The following WNT3 variants were observed in gnomAD, a reference collection of about 807,000 sequenced individuals.
WNT3 encodes proto-oncogene Wnt-3.
WNT3 carries 7 observed loss-of-function variants against 34.2 expected under a neutral mutation model. The ratio of observed to expected loss-of-function variants is 0.20; its 90% CI spans 0.12 to 0.38. The LOEUF (loss-of-function observed/expected upper bound fraction) is 0.38, where lower values mean the gene tolerates loss of function less well. WNT3 is among the 10% of genes least tolerant of loss of function. The pLI is 1.00. For missense variants in WNT3, 267 were observed against 499.8 expected (o/e 0.53, Z 4.44); for synonymous variants, 212 against 211.5 (o/e 1.00, Z -0.02).
intron 1 of WNT3, among the ~76,000 whole-genome samples, chr17:46,784,310 G>T (rs1317771819): frequency 6.6e-6 from 1 of 152,182 alleles, no homozygotes; most frequent in South Asian, 2.1e-4. Context: ...GGAACAAGAC[G>T]AGGAAGTGCG....
chr17:46,771,345 C>T (rs1447475274), intron 2 of WNT3, among the ~76,000 whole-genome samples: 2 of 151,860 alleles, frequency 1.3e-5, no homozygotes, highest in African/African-American at 4.8e-5. Flanking sequence ...CAATCCTAGA[C>T]GCCCCAGCCC....
At chr17:46,818,042 G>C (rs761407016) in intron 1 of WNT3, among the ~76,000 whole-genome samples, 1 of 152,090 alleles carries the variant, frequency 6.6e-6, no homozygotes, top group Non-Finnish European at 1.5e-5. Flanking sequence ...GAAGGCAAAG[G>C]GGGGTTATTA....
chr17:46,766,136 C>T (rs530765705), intron 4 of WNT3, among the ~76,000 whole-genome samples: 35 of 152,304 alleles, frequency 2.3e-4, no homozygotes, highest in African/African-American at 7.5e-4. Flanking sequence ...TGGCCGGGCG[C>T]GGTGGCTCAC....
chr17:46,764,353 T>A lies in WNT3; in HGVS notation c.*277A>T, dbSNP rs1489338822. 6.6e-6 allele frequency: 1 copy of A among 152,620 alleles called. No homozygotes were observed. The highest frequency in any genetic ancestry group is 2.4e-5 in the African/African-American group (1 of 41,442). The allele number at this position is 152,620 out of a possible 1,614,324, so 9.5% of individuals were successfully genotyped here. ...AACATGTGCAAAGATAAGCCTCAGG[T>A]CTGTTCCTATCAGACCCTAGAGAAC... On this transcript the variant is annotated 3_prime_UTR_variant, in exon 5 of 5. Coordinates refer to ENST00000225512, the MANE Select transcript of WNT3 (RefSeq NM_030753.5).
chr17:46,768,206 G>A lies in WNT3; in HGVS notation c.*8+106C>T, dbSNP rs2059331611. 1.1e-5 allele frequency: 16 copies of A among 1,517,548 alleles called. No homozygotes were observed. The highest frequency in any genetic ancestry group is 1.9e-5 in the Admixed American group (1 of 53,162). The allele number at this position is 1,517,548 out of a possible 1,614,324, so 94.0% of individuals were successfully genotyped here. A position where few individuals can be genotyped will look rare whatever the true frequency, so the allele number is the denominator to read the frequency against. ...TTGGCTGTGGGAACTTGTGTGTCTT[G>A]GATAGCTTAGAAACAGAAGGGGGTC... On this transcript the variant is annotated intron_variant, in intron 4 of 4. Coordinates refer to ENST00000225512, the MANE Select transcript of WNT3 (RefSeq NM_030753.5). The surrounding 1 kb of genome is among the most constrained non-coding windows in gnomAD (Gnocchi z 5.0).
chr17:46,772,189 G>A (rs1414557673), intron 2 of WNT3, among the ~76,000 whole-genome samples: 2 of 152,296 alleles, frequency 1.3e-5, no homozygotes, highest in East Asian at 1.9e-4. Context: ...ATGCGCTCGC[G>A]GCGTCTTCCG....
intron 1 of WNT3, among the ~76,000 whole-genome samples, chr17:46,812,637 A>G (rs1481189520): frequency 6.6e-6 from 1 of 152,142 alleles, no homozygotes; most frequent in African/African-American, 2.4e-5. Context: ...GAGCAGGTAA[A>G]GAGCTGAAGT....
At chr17:46,777,807 G>A (rs979809297) in intron 1 of WNT3, among the ~76,000 whole-genome samples, 3 of 152,224 alleles carry the variant, frequency 2.0e-5, no homozygotes, top group Non-Finnish European at 2.9e-5. Context: ...CAAGCCCTGA[G>A]TTTGTCTGAC....
chr17:46,779,119 C>T (rs199516), intron 1 of WNT3, among the ~76,000 whole-genome samples: 122,368 of 144,796 alleles, frequency 0.85, 51,523 homozygotes, highest in East Asian at 0.99. Context: ...GCCCACTCGG[C>T]CTTCCAAAGG....
At chr17:46,818,441 AC>A in intron 1 of WNT3, 76 bp downstream of exon 1, 1 of 1,453,652 alleles carries the variant, frequency 6.9e-7, no homozygotes, top group Non-Finnish European at 9.4e-7. Context: ...GCAGCGGCCC[AC>A]CCCCAGCCGG....
At position 46,778,955 on chromosome 17, in the gene WNT3, T is replaced by C. The variant is rs188008572; in HGVS notation, c.81-5046A>G. ...ACCTTCTTATCCCAAAGTGCTGAAC[T>C]GATTTGTTTCCAATTCCATCTGGCT... is the stretch of plus-strand genomic sequence containing the variant. On this transcript the variant is annotated intron_variant, in intron 1 of 4. Transcript: ENST00000225512. 5.5e-4 allele frequency among the ~76,000 whole-genome samples: 83 copies of C among 152,240 alleles called. No homozygotes were observed. The East Asian group carries it at 0.012, about 22-fold the overall frequency.
At chr17:46,794,421 G>A (rs1036138631) in intron 1 of WNT3, among the ~76,000 whole-genome samples, 1 of 152,168 alleles carries the variant, frequency 6.6e-6, no homozygotes, top group African/African-American at 2.4e-5. Context: ...AGAGCTAGAA[G>A]GAGCCTTGGG....
chr17:46,787,605 C>A (rs1169832872), intron 1 of WNT3, among the ~76,000 whole-genome samples: 1 of 152,206 alleles, frequency 6.6e-6, no homozygotes, highest in East Asian at 1.9e-4. Context: ...CAGACCTGAT[C>A]ATCTGAAGGC....
Position 46,762,543 on chromosome 17 carries a change from G to GA in WNT3, c.*2086dup, listed in dbSNP as rs35265383. On this transcript the variant is annotated 3_prime_UTR_variant, in exon 5 of 5. Transcript: ENST00000225512. ...TTACCTTCTCTTTAATGACTTAACAGAAAAAAACTGCATGATGAAATATAT... is the reference window on the plus strand; with the variant it reads ...TTACCTTCTCTTTAATGACTTAACAGAAAAAAAACTGCATGATGAAATATAT... 6.7e-6 allele frequency: 1 copy of GA among 150,168 alleles called. No individual in the cohort carries two copies. The highest frequency in any genetic ancestry group is 2.4e-5 in the African/African-American group (1 of 40,840). 9.3% of individuals were successfully genotyped at this position (150,168 alleles called of 1,614,324 possible). A position where few individuals can be genotyped will look rare whatever the true frequency, so the allele number is the denominator to read the frequency against.
At chr17:46,789,185 C>T (rs2083946846) in intron 1 of WNT3, among the ~76,000 whole-genome samples, 2 of 152,198 alleles carry the variant, frequency 1.3e-5, no homozygotes, top group African/African-American at 4.8e-5. Context: ...GCCCATTCTC[C>T]TCTTTATGGG....
At position 46,763,112 on chromosome 17, in the gene WNT3, C is replaced by T. The variant is rs1056921714; in HGVS notation, c.*1518G>A. Reference sequence around the variant, plus strand: ...GACCATCTTGGCAAGCCCACCTGCACCAGCTGGGAGATCGCTGCCCTGGTA... The same window carrying T: ...GACCATCTTGGCAAGCCCACCTGCATCAGCTGGGAGATCGCTGCCCTGGTA... On this transcript the variant is annotated 3_prime_UTR_variant, in exon 5 of 5. Transcript: ENST00000225512. The T allele has an allele frequency of 6.6e-6, 1 of 152,120 alleles. No individual in the cohort carries two copies. The highest frequency in any genetic ancestry group is 2.4e-5 in the African/African-American group (1 of 41,416). 9.4% of individuals were successfully genotyped at this position (152,120 alleles called of 1,614,324 possible). A position where few individuals can be genotyped will look rare whatever the true frequency, so the allele number is the denominator to read the frequency against.
chr17:46,809,581 C>T (rs954933957), intron 1 of WNT3, among the ~76,000 whole-genome samples: 2 of 152,214 alleles, frequency 1.3e-5, no homozygotes, highest in African/African-American at 4.8e-5. Context: ...CATTAGGATT[C>T]CCTGATGACT....
intron 1 of WNT3, among the ~76,000 whole-genome samples, chr17:46,803,980 G>A (rs1220029903): frequency 6.6e-6 from 1 of 152,122 alleles, no homozygotes; most frequent in Admixed American, 6.5e-5. Flanking sequence ...TTTCCCTTAT[G>A]TCCTGGCTGT....
chr17:46,771,825 G>A (rs2059374977), intron 2 of WNT3, among the ~76,000 whole-genome samples: 1 of 144,336 alleles, frequency 6.9e-6, no homozygotes, highest in African/African-American at 2.5e-5. Flanking sequence ...CGGCGGCCGC[G>A]CGGTGGGGGG....
Sources: allele counts gnomAD v4.1 joint callset (sites outside exome capture counted in the v4.1 genomes callset), GRCh38; gene constraint gnomAD v4.1.1; non-coding constraint Gnocchi (gnomAD v3.1); transcripts MANE v1.5; gene names NCBI Gene and HGNC (gene_info 2026-07-23, HGNC 2026-07-21).